PTDSS2: variants seen among roughly 807,000 people sequenced by gnomAD.
The protein encoded by PTDSS2 is PSS-2.
In PTDSS2, 41 loss-of-function variants were observed where a neutral mutation model predicts 64.7. The ratio of observed to expected loss-of-function variants is 0.63; its 90% CI spans 0.49 to 0.82. The LOEUF (loss-of-function observed/expected upper bound fraction) is 0.82, where lower values mean the gene tolerates loss of function less well. Ranked by LOEUF, PTDSS2 falls within the 40% of genes least tolerant of loss-of-function variation. The pLI, the probability that PTDSS2 is intolerant of heterozygous loss-of-function variation, is 0.00. For synonymous variants in PTDSS2, 297 were observed against 277.8 expected (o/e 1.07, Z -0.69); for missense variants, 485 against 650.0 (o/e 0.75, Z 2.76).
chr11:453,194 T>A (rs1400473179), intron 1 of PTDSS2, among the ~76,000 whole-genome samples: 1 of 152,176 alleles, frequency 6.6e-6, no homozygotes, highest in African/African-American at 2.4e-5. Flanking sequence ...TCTCCTTCTC[T>A]GGATTCATTC....
chr11:486,625 G>A (rs1055690352), intron 4 of PTDSS2, among the ~76,000 whole-genome samples: 1 of 152,090 alleles, frequency 6.6e-6, no homozygotes, highest in Admixed American at 6.5e-5. Context: ...GGCGGATCAC[G>A]AGGTCAGGAG....
At position 476,726 on chromosome 11, in the gene PTDSS2, G is replaced by A. The variant is rs74685834; in HGVS notation, c.368-2359G>A. ...TGGCGCTTCCAAAAGCTCCGGCCGC[G>A]GCGTCTCTTGAGTTGTGGCTCGTCC... On this transcript the variant is annotated intron_variant, in intron 3 of 11. Transcript: ENST00000308020. This position sits in a 1 kb window ranked among gnomAD's most constrained non-coding sequence, Gnocchi z 4.9. Among the ~76,000 whole-genome samples the A allele has an allele frequency of 1.3e-5, 2 of 152,118 alleles. No individual in the cohort carries two copies. Among genetic ancestry groups the A allele is most frequent in the Admixed American group, 6.6e-5 (1 of 15,254 alleles).
intron 8 of PTDSS2, 74 bp downstream of exon 8, chr11:488,721 C>A (rs1848523341): frequency 9.0e-7 from 1 of 1,107,874 alleles, no homozygotes; most frequent in South Asian, 1.2e-5. Flanking sequence ...CGTGCTCCAG[C>A]AGACCCCGAG....
At chr11:468,691 T>C (rs1451021755) in intron 2 of PTDSS2, among the ~76,000 whole-genome samples, 7 of 152,108 alleles carry the variant, frequency 4.6e-5, no homozygotes, top group African/African-American at 1.7e-4. Context: ...CTGTGGTGTG[T>C]ATGATGGCTG....
Position 490,517 on chromosome 11 carries a change from G to A in PTDSS2, c.1399G>A (p.Gly467Arg), listed in dbSNP as rs1198827820. The A allele has an allele frequency of 1.2e-6, 2 of 1,612,814 alleles. No individual in the cohort carries two copies. The highest frequency in any genetic ancestry group is 1.7e-6 in the Non-Finnish European group (2 of 1,179,820). ...TVGNGDQHPL[G>R]LDEDLLGPGV... is the part of the protein sequence containing the mutation. The stretch of plus-strand genomic sequence containing the variant: ...CGGCAACGGGGACCAGCACCCACTG[G>A]GGCTGGACGAAGACCTGCTGGGGCC... The change falls in exon 12 of 12, where the codon GGG becomes AGG. Residue 467 changes from glycine (G) to arginine (R), a missense_variant. Gly to Arg is a moderately radical substitution (Grantham distance 125). Transcript: ENST00000308020.
chr11:470,132 G>C lies in PTDSS2; in HGVS notation c.285-3763G>C, dbSNP rs1487755985. Among the ~76,000 whole-genome samples, 1 of 152,218 alleles carries C rather than the reference G, an allele frequency of 6.6e-6. No individual in the cohort carries two copies. Among genetic ancestry groups the C allele is most frequent in the Non-Finnish European group, 1.5e-5 (1 of 68,036 alleles). Reference sequence around the variant, plus strand: ...CGCTGTGCGCTGCGCGTGGTGACCTGACCTCCTTCCTGGGCGTGCAGCACG... The same window carrying C: ...CGCTGTGCGCTGCGCGTGGTGACCTCACCTCCTTCCTGGGCGTGCAGCACG... On this transcript the variant is annotated intron_variant, in intron 2 of 11. Transcript: ENST00000308020. This position sits in a 1 kb window ranked among gnomAD's most constrained non-coding sequence, Gnocchi z 5.3.
At chr11:469,231 A>G (rs1847293515) in intron 2 of PTDSS2, among the ~76,000 whole-genome samples, 1 of 122,448 alleles carries the variant, frequency 8.2e-6, no homozygotes, top group African/African-American at 3.3e-5. Context: ...AAGGAGGAGG[A>G]GAGGAGTCTC....
rs1287794394 is a variant in PTDSS2, at chr11:475,491, C to T, written c.367+1514C>T. On this transcript the variant is annotated intron_variant, in intron 3 of 11. Transcript: ENST00000308020. ...CGCATTTGTGATACAGACATATTCACGCGTTTGTGTGATACGGCCATATTC... is the reference window on the plus strand; with the variant it reads ...CGCATTTGTGATACAGACATATTCATGCGTTTGTGTGATACGGCCATATTC... 7.2e-5 allele frequency among the ~76,000 whole-genome samples: 11 copies of T among 151,920 alleles called. 1 individual carries two copies. The highest frequency in any genetic ancestry group is 2.9e-5 in the Non-Finnish European group (2 of 67,968).
In PTDSS2 at chr11:461,469, C is replaced by G. The variant is rs574949623; in HGVS notation, c.284+1181C>G. 6.6e-6 allele frequency among the ~76,000 whole-genome samples: 1 copy of G among 152,184 alleles called. No individual in the cohort carries two copies. The highest frequency in any genetic ancestry group is 2.1e-4 in the South Asian group (1 of 4,822). On this transcript the variant is annotated intron_variant, in intron 2 of 11. Transcript: ENST00000308020. The surrounding 1 kb of genome is among the most constrained non-coding windows in gnomAD (Gnocchi z 4.2). ...GAAATTACTGTTGAGGTGCCTGGAC[C>G]CAGGACTCTGCAGCCTGCTCCCCAG...
At chr11:458,073 G>A (rs929436842) in intron 1 of PTDSS2, among the ~76,000 whole-genome samples, 4 of 152,054 alleles carry the variant, frequency 2.6e-5, no homozygotes, top group African/African-American at 4.8e-5. Context: ...GCTGCTCCTC[G>A]TTTGTTCATG....
intron 2 of PTDSS2, among the ~76,000 whole-genome samples, chr11:464,441 T>G (rs539041590): frequency 6.6e-6 from 1 of 151,944 alleles, no homozygotes; most frequent in Non-Finnish European, 1.5e-5. Context: ...GCGCTCAGAG[T>G]GCCTCACCCC....
At position 460,301 on chromosome 11, in the gene PTDSS2, CTTG is replaced by C. The variant is rs773307163; in HGVS notation, c.284+15_284+17del. The C allele has an allele frequency of 9.3e-6, 15 of 1,607,118 alleles. No homozygotes were observed. The African/African-American group carries it at 2.0e-4, about 21-fold the overall frequency. On this transcript the variant is annotated intron_variant, in intron 2 of 11. Coordinates refer to ENST00000308020, the MANE Select transcript of PTDSS2 (RefSeq NM_030783.3). This position sits in a 1 kb window ranked among gnomAD's most constrained non-coding sequence, Gnocchi z 5.8. ...ACAACACCAAGAGGTAAGCTGCCCT[CTTG>C]TCCTGCCTTCTGAAACTGCCCTGTG...
At position 461,814 on chromosome 11, in the gene PTDSS2, G is replaced by A. The variant is rs1353061710; in HGVS notation, c.284+1526G>A. Among the ~76,000 whole-genome samples the A allele has an allele frequency of 6.6e-6, 1 of 152,200 alleles. No individual in the cohort carries two copies. Among genetic ancestry groups the A allele is most frequent in the Non-Finnish European group, 1.5e-5 (1 of 68,036 alleles). ...TAACTAGGCTCCAGAAATAGATGAG[G>A]GAGCATGTGCCGTGCCTGGGGCCCC... On this transcript the variant is annotated intron_variant, in intron 2 of 11. Transcript: ENST00000308020. This position sits in a 1 kb window ranked among gnomAD's most constrained non-coding sequence, Gnocchi z 4.2.
intron 4 of PTDSS2, among the ~76,000 whole-genome samples, chr11:481,284 T>C (rs1456646382): frequency 6.6e-6 from 1 of 152,166 alleles, no homozygotes; most frequent in African/African-American, 2.4e-5. Flanking sequence ...AATTGGGAAG[T>C]GTGAGTTCAC....
In PTDSS2 at chr11:470,853, G is replaced by A. The variant is rs573768771; in HGVS notation, c.285-3042G>A. 6.6e-5 allele frequency among the ~76,000 whole-genome samples: 10 copies of A among 152,240 alleles called. No individual in the cohort carries two copies. In the East Asian group the frequency reaches 1.7e-3, roughly 26 times the overall value. On this transcript the variant is annotated intron_variant, in intron 2 of 11. Coordinates refer to ENST00000308020, the MANE Select transcript of PTDSS2 (RefSeq NM_030783.3). The surrounding 1 kb of genome is among the most constrained non-coding windows in gnomAD (Gnocchi z 5.3). ...TCCGCCTGCCTCAGCCTCCCAAAGT[G>A]CTGGGATTACAGGCGTGAGCCACCG...
chr11:486,991 TC>T lies in PTDSS2; in HGVS notation c.491del (p.Pro164HisfsTer43). 1 of 1,613,108 alleles carries T rather than the reference TC, an allele frequency of 6.2e-7. No homozygotes were observed. The highest frequency in any genetic ancestry group is 1.3e-5 in the African/African-American group (1 of 74,956). ...AAGTATGTTGACCCCAAGCTGGGAG[TC>T]CCACTGCCAGAGAGAGACTACGGGG... ...FLKYVDPKLG[V>X]PLPERDYGGN... On this transcript the variant is annotated frameshift_variant, in exon 5 of 12. Coordinates refer to ENST00000308020, the MANE Select transcript of PTDSS2 (RefSeq NM_030783.3). LOFTEE classifies it high-confidence loss of function.
chr11:452,828 G>C (rs1017676439), intron 1 of PTDSS2, among the ~76,000 whole-genome samples: 5 of 152,184 alleles, frequency 3.3e-5, no homozygotes, highest in African/African-American at 1.2e-4. Context: ...CTGACTTGCT[G>C]TGCTGGCATT....
At position 468,747 on chromosome 11, in the gene PTDSS2, G is replaced by A. The variant is rs548850567; in HGVS notation, c.285-5148G>A. Among the ~76,000 whole-genome samples the A allele has an allele frequency of 3.3e-5, 5 of 152,066 alleles. No individual in the cohort carries two copies. The South Asian group carries it at 8.3e-4, about 25-fold the overall frequency. On this transcript the variant is annotated intron_variant, in intron 2 of 11. Transcript: ENST00000308020. The stretch of plus-strand genomic sequence containing the variant: ...AATCAGAGAAGGAGGGGAGTCTCTG[G>A]GTAATCAGAGGGAGGAGGAGGGGAG...
At chr11:485,049 C>T (rs1848259569) in intron 4 of PTDSS2, among the ~76,000 whole-genome samples, 3 of 132,964 alleles carry the variant, frequency 2.3e-5, no homozygotes, top group African/African-American at 3.0e-5. Flanking sequence ...TCACTGTGTG[C>T]GCAGGCGAGT....
Sources: gnomAD v4.1 joint callset for allele counts (sites outside exome capture counted in the v4.1 genomes callset) on GRCh38, gnomAD v4.1.1 for gene constraint, Gnocchi (gnomAD v3.1) non-coding constraint, MANE v1.5 for transcripts, NCBI Gene and HGNC (gene_info 2026-07-23, HGNC 2026-07-21) for gene names.